The following TDRP variants were observed in gnomAD, a reference collection of about 807,000 sequenced individuals.
TDRP encodes testis development-related protein.
Under a neutral mutation model 10.5 loss-of-function variants are expected in TDRP, and 12 were observed. That is an observed-to-expected ratio of 1.15 (90% CI 0.73 to 1.86). The LOEUF (loss-of-function observed/expected upper bound fraction) is 1.86, where lower values mean the gene tolerates loss of function less well. TDRP is among the 40% of genes most tolerant of loss of function. TDRP has a pLI of 0.00. For missense variants in TDRP, 353 were observed against 229.2 expected, an observed-to-expected ratio of 1.54 and a Z score of -3.49; for synonymous variants, 139 against 95.4, an observed-to-expected ratio of 1.46 and a Z score of -2.67.
rs182778029 is a variant in TDRP at position 541,350 on chromosome 8, T to A, written c.108+3300A>T. ...AGCACATAACTGGGAAAACCTTGGG[T>A]ACAGTGATGGCTTTTTCAATATAAT... On this transcript the variant is annotated intron_variant, in intron 1 of 2. Coordinates refer to ENST00000324079, the MANE Select transcript of TDRP (RefSeq NM_001384899.1). Among the ~76,000 whole-genome samples the A allele has an allele frequency of 2.7e-3, 413 of 152,324 alleles. 2 individuals carry two copies. The highest frequency in any genetic ancestry group is 2.9e-3 in the Non-Finnish European group (200 of 68,036).
chr8:507,744 G>T (rs1308437345), intron 1 of TDRP, among the ~76,000 whole-genome samples: 1 of 152,140 alleles, frequency 6.6e-6, no homozygotes, highest in Admixed American at 6.5e-5. Flanking sequence ...AATGGGAAAG[G>T]GGGAACAGTC....
In TDRP at chr8:491,062, G is replaced by A. The variant is rs926766483; in HGVS notation, c.*1337C>T. 3 of 152,240 alleles carry A rather than the reference G, an allele frequency of 2.0e-5. No homozygotes were observed. The highest frequency in any genetic ancestry group is 4.4e-5 in the Non-Finnish European group (3 of 68,062). The allele number at this position is 152,240 out of a possible 1,614,324, so 9.4% of individuals were successfully genotyped here. ...TTTTGCATAACAGATGACAGATCAA[G>A]TAAACCTGTTCTATTAAAAAACATG... is the stretch of plus-strand genomic sequence containing the variant. On this transcript the variant is annotated 3_prime_UTR_variant, in exon 3 of 3. Coordinates refer to ENST00000324079, the MANE Select transcript of TDRP (RefSeq NM_001384899.1).
At position 536,824 on chromosome 8, in the gene TDRP, A is replaced by G. The variant is rs1427642009; in HGVS notation, c.108+7826T>C. On this transcript the variant is annotated intron_variant, in intron 1 of 2. Coordinates refer to ENST00000324079, the MANE Select transcript of TDRP (RefSeq NM_001384899.1). ...GTTAAGAGGAGCCAGCTGAATCCGG[A>G]GCGAATAAGCAGCGCCCAGGATCCT... is the stretch of plus-strand genomic sequence containing the variant. Among the ~76,000 whole-genome samples, 4 of 151,434 alleles carry G rather than the reference A, an allele frequency of 2.6e-5. No homozygotes were observed. In the East Asian group the frequency reaches 7.7e-4, roughly 29 times the overall value.
At chr8:506,023 G>T (rs916847902) in intron 1 of TDRP, among the ~76,000 whole-genome samples, 2 of 152,132 alleles carry the variant, frequency 1.3e-5, no homozygotes, top group South Asian at 2.1e-4. Context: ...ATGGCTGGGG[G>T]TCTGGGTGTC....
intron 1 of TDRP, among the ~76,000 whole-genome samples, chr8:522,464 T>G (rs1801931385): frequency 6.6e-6 from 1 of 152,228 alleles, no homozygotes; most frequent in African/African-American, 2.4e-5. Context: ...AAGACTCTGT[T>G]TCTCTAGCTG....
At chr8:507,385 G>A (rs942217429) in intron 1 of TDRP, among the ~76,000 whole-genome samples, 4 of 152,094 alleles carry the variant, frequency 2.6e-5, no homozygotes, top group Non-Finnish European at 2.9e-5. Context: ...ATCCTTCTTG[G>A]GGTCAGAGTA....
At chr8:543,325 A>C (rs912441747) in intron 1 of TDRP, among the ~76,000 whole-genome samples, 1 of 152,192 alleles carries the variant, frequency 6.6e-6, no homozygotes, top group Non-Finnish European at 1.5e-5. Flanking sequence ...AATAAAAAAT[A>C]AAAACTTAAG....
At chr8:532,275 A>G (rs1482331235) in intron 1 of TDRP, among the ~76,000 whole-genome samples, 2 of 152,210 alleles carry the variant, frequency 1.3e-5, no homozygotes, top group East Asian at 3.9e-4. Context: ...TGCAGGGTGA[A>G]GGATGCTGGG....
chr8:491,700 A>C lies in TDRP; in HGVS notation c.*699T>G. 1 of 1,492,358 alleles carries C rather than the reference A, an allele frequency of 6.7e-7. No individual in the cohort carries two copies. Among genetic ancestry groups the C allele is most frequent in the Non-Finnish European group, 8.8e-7 (1 of 1,133,956 alleles). 92.4% of individuals were successfully genotyped at this position (1,492,358 alleles called of 1,614,324 possible). The stretch of plus-strand genomic sequence containing the variant: ...AAACAAAAAAGAGAGCAAATGTTTT[A>C]AGAAAATAAAGGGACCGATTTAGAA... On this transcript the variant is annotated 3_prime_UTR_variant, in exon 3 of 3. Transcript: ENST00000324079.
Position 514,739 on chromosome 8 carries a change from T to C in TDRP, c.109-20142A>G, listed in dbSNP as rs74830865. On this transcript the variant is annotated intron_variant, in intron 1 of 2. Coordinates refer to ENST00000324079, the MANE Select transcript of TDRP (RefSeq NM_001384899.1). ...TCCCTGGGACACTGGGAAATGTCTA[T>C]TTTTGCATTCCAGCTCTATAGGGGA... Among the ~76,000 whole-genome samples, 583 of 152,214 alleles carry C rather than the reference T, an allele frequency of 3.8e-3. 1 individual carries two copies. Among genetic ancestry groups the C allele is most frequent in the Admixed American group, 4.3e-3 (65 of 15,288 alleles).
intron 1 of TDRP, among the ~76,000 whole-genome samples, chr8:504,187 C>A (rs1311239920): frequency 6.6e-6 from 1 of 152,210 alleles, no homozygotes; most frequent in Non-Finnish European, 1.5e-5. Context: ...TGTCAGATGC[C>A]AGCTGTGTGA....
chr8:513,189 G>C (rs1801664088), intron 1 of TDRP, among the ~76,000 whole-genome samples: 2 of 149,950 alleles, frequency 1.3e-5, no homozygotes, highest in Non-Finnish European at 3.0e-5. Context: ...ACCAAAACTA[G>C]ACAAAGACAC....
intron 1 of TDRP, among the ~76,000 whole-genome samples, chr8:505,486 T>A (rs955801283): frequency 2.0e-5 from 3 of 152,242 alleles, no homozygotes; most frequent in African/African-American, 7.2e-5. Flanking sequence ...CCATGACTAC[T>A]GCGAACCGAA....
intron 1 of TDRP, among the ~76,000 whole-genome samples, chr8:522,171 T>A (rs987334446): frequency 5.3e-5 from 8 of 152,250 alleles, no homozygotes; most frequent in African/African-American, 1.9e-4. Context: ...TACATTGTGC[T>A]ACTATGTCTC....
chr8:499,260 G>A (rs17065051), intron 1 of TDRP, among the ~76,000 whole-genome samples: 19,101 of 152,112 alleles, frequency 0.13, 1,645 homozygotes, highest in African/African-American at 0.25. Flanking sequence ...TGGAGGCAGG[G>A]TCTCTCTGTT....
At chr8:496,631 C>G (rs1801143686) in intron 1 of TDRP, among the ~76,000 whole-genome samples, 1 of 152,132 alleles carries the variant, frequency 6.6e-6, no homozygotes, top group South Asian at 2.1e-4. Flanking sequence ...CATGGACTGC[C>G]CACCCCTTCC....
chr8:544,676 CCGGT>C lies in TDRP; in HGVS notation c.78_81del (p.Ala28ProfsTer20), dbSNP rs1802588669. 4.0e-6 allele frequency: 5 copies of C among 1,240,634 alleles called. No individual in the cohort carries two copies. Among genetic ancestry groups the C allele is most frequent in the African/African-American group, 1.6e-5 (1 of 64,274 alleles). The allele number at this position is 1,240,634 out of a possible 1,614,324, so 76.9% of individuals were successfully genotyped here. On this transcript the variant is annotated frameshift_variant, in exon 1 of 3. Transcript: ENST00000324079. LOFTEE classifies it high-confidence loss of function. Reference sequence around the variant, plus strand: ...TGCGCCTGGGCGGCGGCGGCGGCGGCCGGTGGCGGCCCCCCACGCAGGCCGTCCT... The same window carrying C: ...TGCGCCTGGGCGGCGGCGGCGGCGGCGGCGGCCCCCCACGCAGGCCGTCCT...
At chr8:539,190 G>C (rs1216831190) in intron 1 of TDRP, among the ~76,000 whole-genome samples, 1 of 152,156 alleles carries the variant, frequency 6.6e-6, no homozygotes, top group African/African-American at 2.4e-5. Context: ...TGTGCAGGTG[G>C]GTATGTAAGA....
intron 1 of TDRP, among the ~76,000 whole-genome samples, chr8:505,978 T>C (rs969580871): frequency 2.0e-5 from 3 of 152,078 alleles, no homozygotes; most frequent in East Asian, 1.9e-4. Context: ...GTGGGAGCTA[T>C]CTGGAAATGT....
Sources: gnomAD v4.1 joint callset for allele counts (sites outside exome capture counted in the v4.1 genomes callset) on GRCh38, gnomAD v4.1.1 for gene constraint, MANE v1.5 for transcripts, NCBI Gene and HGNC (gene_info 2026-07-23, HGNC 2026-07-21) for gene names.